Variants in STAG1 observed in about 807,000 individuals in gnomAD.
STAG1 encodes the protein STAG1 cohesin complex component, also known as cohesin subunit SA-1.
Under a neutral mutation model 170.9 loss-of-function variants are expected in STAG1, and 26 were observed. The observed-to-expected ratio is 0.15, with a 90% CI of 0.11 to 0.21. The LOEUF (loss-of-function observed/expected upper bound fraction) is 0.21, where lower values mean the gene tolerates loss of function less well. Among genes scored for constraint, STAG1 ranks in the 10% least tolerant of loss-of-function variants. The probability of loss-of-function intolerance (pLI) is 1.00; values close to 1 mark genes in which losing one functional copy is unlikely to be tolerated. For synonymous variants in STAG1, 514 were observed against 497.7 expected (o/e 1.03, Z -0.44); for missense variants, 964 against 1,509.5 (o/e 0.64, Z 5.99).
chr3:136,570,126 C>T (rs144368718), intron 4 of STAG1, among the ~76,000 whole-genome samples: 1 of 152,104 alleles, frequency 6.6e-6, no homozygotes, highest in Non-Finnish European at 1.5e-5. Flanking sequence ...TTTATAAATA[C>T]ATACACCTGT....
chr3:136,486,026 T>G (rs2107836723), intron 9 of STAG1, among the ~76,000 whole-genome samples: 1 of 152,336 alleles, frequency 6.6e-6, no homozygotes, highest in East Asian at 1.9e-4. Context: ...GAGCAGTGTT[T>G]TTAAAATACT....
chr3:136,585,489 T>G (rs1937771228), intron 4 of STAG1, among the ~76,000 whole-genome samples: 1 of 151,846 alleles, frequency 6.6e-6, no homozygotes, highest in Non-Finnish European at 1.5e-5. Flanking sequence ...CATGGTGGCC[T>G]GTAATCTCAG....
intron 1 of STAG1, among the ~76,000 whole-genome samples, chr3:136,670,386 C>T (rs987713125): frequency 6.6e-6 from 1 of 152,156 alleles, no homozygotes; most frequent in Non-Finnish European, 1.5e-5. Context: ...CAACAAGACC[C>T]TAATTTAATT....
At chr3:136,469,505 A>T (rs1488094381) in intron 12 of STAG1, among the ~76,000 whole-genome samples, 1 of 152,264 alleles carries the variant, frequency 6.6e-6, no homozygotes, top group East Asian at 1.9e-4. Flanking sequence ...AAATGGAAGA[A>T]CATTCCATGC....
intron 3 of STAG1, among the ~76,000 whole-genome samples, chr3:136,613,660 T>A (rs1276800711): frequency 3.3e-5 from 5 of 152,100 alleles, no homozygotes; most frequent in Non-Finnish European, 5.9e-5. Flanking sequence ...GTAATTTTTT[T>A]ATTTTTAGTA....
At chr3:136,619,957 G>A (rs1939773276) in intron 3 of STAG1, among the ~76,000 whole-genome samples, 1 of 151,788 alleles carries the variant, frequency 6.6e-6, no homozygotes, top group African/African-American at 2.4e-5. Flanking sequence ...CAGCTATTCA[G>A]GAGGCTGAGG....
chr3:136,457,814 G>A (rs1576484932), intron 13 of STAG1, among the ~76,000 whole-genome samples: 1 of 152,024 alleles, frequency 6.6e-6, no homozygotes. Flanking sequence ...TAACAACTGG[G>A]GCCAGGCATG....
In STAG1 at chr3:136,495,786, G is replaced by A. The variant is rs111267751; in HGVS notation, c.902+4437C>T. Among the ~76,000 whole-genome samples the A allele has an allele frequency of 1.8e-4, 28 of 151,708 alleles. 1 individual carries two copies. Among genetic ancestry groups the A allele is most frequent in the African/African-American group, 6.5e-4 (27 of 41,348 alleles). On this transcript the variant is annotated intron_variant, in intron 9 of 33. Transcript: ENST00000383202. ...GATCAAGACCATCCTGGATAACACG[G>A]TGAAACCCCATCTCTACTAAAAATA...
At chr3:136,347,735 CA>C (rs745847377) in intron 29 of STAG1, among the ~76,000 whole-genome samples, 1 of 152,142 alleles carries the variant, frequency 6.6e-6, no homozygotes, top group Non-Finnish European at 1.5e-5. Context: ...TGATAACGTT[CA>C]GATAATTTAT....
chr3:136,464,794 G>T, intron 13 of STAG1, 87 bp downstream of exon 13: 1 of 1,085,848 alleles, frequency 9.2e-7, no homozygotes, highest in Non-Finnish European at 1.3e-6. Flanking sequence ...ACTGTGTTCA[G>T]TCACTATTAC....
chr3:136,653,903 T>C (rs1182375016), intron 1 of STAG1, among the ~76,000 whole-genome samples: 1 of 152,136 alleles, frequency 6.6e-6, no homozygotes, highest in African/African-American at 2.4e-5. Flanking sequence ...CACATGATCA[T>C]CTCAATGCAG....
Position 136,529,402 on chromosome 3 carries a change from T to C in STAG1, c.472-7985A>G, listed in dbSNP as rs1176179141. ...AAAACAGCAAAAGTGTCTAGTCATA[T>C]ATAAAGAAACCTTCATCAGACTACC... is the stretch of plus-strand genomic sequence containing the variant. On this transcript the variant is annotated intron_variant, in intron 6 of 33. Transcript: ENST00000383202. Among the ~76,000 whole-genome samples, 3 of 152,270 alleles carry C rather than the reference T, an allele frequency of 2.0e-5. No individual in the cohort carries two copies. In the South Asian group the frequency reaches 6.2e-4, roughly 32 times the overall value.
rs1376459169 is a variant in STAG1 at position 136,470,917 on chromosome 3, G to A, written c.1205+1496C>T. ...CAAACACTGCATGTTCTCACTCATA[G>A]GTGGGAATTGAACAATGAGAACACT... On this transcript the variant is annotated intron_variant, in intron 12 of 33. Transcript: ENST00000383202. Among the ~76,000 whole-genome samples the A allele has an allele frequency of 2.0e-5, 3 of 150,900 alleles. No individual in the cohort carries two copies. The East Asian group carries it at 5.8e-4, about 29-fold the overall frequency.
intron 6 of STAG1, among the ~76,000 whole-genome samples, chr3:136,532,116 C>G (rs1935405010): frequency 6.6e-6 from 1 of 151,804 alleles, no homozygotes; most frequent in South Asian, 2.1e-4. Flanking sequence ...GCTAGATTAA[C>G]AAAGACCCAA....
chr3:136,652,087 G>A (rs1448382212), intron 1 of STAG1, among the ~76,000 whole-genome samples: 3 of 152,100 alleles, frequency 2.0e-5, no homozygotes, highest in Non-Finnish European at 4.4e-5. Context: ...GTGCATAAAA[G>A]CAATAAAAGA....
At chr3:136,353,139 C>T (rs77923769) in intron 28 of STAG1, among the ~76,000 whole-genome samples, 127 of 151,612 alleles carry the variant, frequency 8.4e-4, no homozygotes, top group African/African-American at 2.4e-3. Context: ...CCACATTTGA[C>T]GATATATCAA....
intron 1 of STAG1, among the ~76,000 whole-genome samples, chr3:136,713,669 C>T (rs939511944): frequency 6.6e-6 from 1 of 151,852 alleles, no homozygotes; most frequent in East Asian, 1.9e-4. Context: ...AGGAGAATCA[C>T]TTGAGGCCAG....
intron 21 of STAG1, among the ~76,000 whole-genome samples, chr3:136,412,043 C>T (rs2087639051): frequency 1.4e-5 from 2 of 144,790 alleles, no homozygotes; most frequent in Admixed American, 1.4e-4. Flanking sequence ...AACAAACAAA[C>T]AAAATCTAAC....
chr3:136,532,821 G>A (rs1935443845), intron 6 of STAG1, among the ~76,000 whole-genome samples: 1 of 152,028 alleles, frequency 6.6e-6, no homozygotes, highest in Non-Finnish European at 1.5e-5. Flanking sequence ...ATACTGAATG[G>A]GGAAAAGTTC....
Sources: gnomAD v4.1 joint callset for allele counts (sites outside exome capture counted in the v4.1 genomes callset) on GRCh38, gnomAD v4.1.1 for gene constraint, MANE v1.5 for transcripts, NCBI Gene and HGNC (gene_info 2026-07-23, HGNC 2026-07-21) for gene names.